KIAA1549L: variants seen among roughly 807,000 people sequenced by gnomAD.
The protein encoded by KIAA1549L is KIAA1549 like, also known as UPF0606 protein KIAA1549L.
In KIAA1549L, 88 loss-of-function variants were observed where a neutral mutation model predicts 160.7. The observed-to-expected ratio is 0.55, with a 90% CI of 0.46 to 0.65. KIAA1549L has a LOEUF of 0.65. KIAA1549L is among the 30% of genes least tolerant of loss of function. KIAA1549L has a pLI of 0.00. For synonymous variants in KIAA1549L, 950 were observed against 976.7 expected (o/e 0.97, Z 0.51); for missense variants, 2,258 against 2,437.5 (o/e 0.93, Z 1.55).
chr11:33,656,217 T>G, intron 18 of KIAA1549L, 108 bp downstream of exon 18: 2 of 783,040 alleles, frequency 2.6e-6, no homozygotes, highest in African/African-American at 1.7e-5. Context: ...CTCCACCCCA[T>G]CCAGGGTGTG....
At chr11:33,568,445 CACT>C (rs1855131244) in intron 9 of KIAA1549L, among the ~76,000 whole-genome samples, 1 of 152,102 alleles carries the variant, frequency 6.6e-6, no homozygotes, top group Non-Finnish European at 1.5e-5. Context: ...CCGACATTGT[CACT>C]AACTAGGTTA....
At chr11:33,619,188 G>T (rs149704790) in intron 16 of KIAA1549L, among the ~76,000 whole-genome samples, 2 of 152,214 alleles carry the variant, frequency 1.3e-5, no homozygotes, top group East Asian at 1.9e-4. Flanking sequence ...TTTTAATCCC[G>T]TCAGATTTCC....
intron 10 of KIAA1549L, among the ~76,000 whole-genome samples, chr11:33,576,914 G>A (rs1855468489): frequency 6.6e-6 from 1 of 152,176 alleles, no homozygotes; most frequent in South Asian, 2.1e-4. Context: ...GATCTCAGAA[G>A]ACATAAACTC....
intron 1 of KIAA1549L, among the ~76,000 whole-genome samples, chr11:33,530,465 ATATATATATATATATATATG>A: frequency 1.7e-5 from 1 of 59,008 alleles, no homozygotes; most frequent in African/African-American, 5.5e-5. Flanking sequence ...ATATATATAT[ATATATATATATATATATATG>A]CAAGATTTGC....
chr11:33,395,068 T>C (rs1271237268), intron 1 of KIAA1549L, among the ~76,000 whole-genome samples: 1 of 152,250 alleles, frequency 6.6e-6, no homozygotes, highest in East Asian at 1.9e-4. Context: ...CCAATTCATT[T>C]CTTTCATCTA....
chr11:33,392,685 A>G (rs1194574884), intron 1 of KIAA1549L, among the ~76,000 whole-genome samples: 1 of 152,156 alleles, frequency 6.6e-6, no homozygotes, highest in Non-Finnish European at 1.5e-5. Context: ...GTTTTTCACC[A>G]TAGTTTAGTT....
At position 33,476,133 on chromosome 11, in the gene KIAA1549L, T is replaced by C. The variant is rs567362708; in HGVS notation, c.239-65669T>C. Among the ~76,000 whole-genome samples the C allele has an allele frequency of 4.6e-5, 7 of 152,382 alleles. No homozygotes were observed. In the East Asian group the frequency reaches 1.3e-3, roughly 29 times the overall value. On this transcript the variant is annotated intron_variant, in intron 1 of 20. Transcript: ENST00000658780. ...CTTCTCAGGAAATCTATTACTGTGC[T>C]GAAATTGGCAAACTGCCAAGGCAGC...
chr11:33,415,284 CA>C (rs1850866227), intron 1 of KIAA1549L, among the ~76,000 whole-genome samples: 1 of 152,140 alleles, frequency 6.6e-6, no homozygotes, highest in South Asian at 2.1e-4. Context: ...CAGTGGATTG[CA>C]TAAGGTGCAA....
chr11:33,427,512 C>T (rs1183535862), intron 1 of KIAA1549L, among the ~76,000 whole-genome samples: 2 of 152,168 alleles, frequency 1.3e-5, no homozygotes, highest in East Asian at 3.8e-4. Context: ...CGCTGCTATA[C>T]TCCCTCCGTC....
At position 33,647,592 on chromosome 11, in the gene KIAA1549L, A is replaced by G. The variant is rs921437087; in HGVS notation, c.5760+1556A>G. On this transcript the variant is annotated intron_variant, in intron 17 of 20. Transcript: ENST00000658780. ...CATCACCATAGCATCTAAAATATAT[A>G]TTTTTAAAAAGACATAGTTTTATAA... Among the ~76,000 whole-genome samples, 23 of 152,150 alleles carry G rather than the reference A, an allele frequency of 1.5e-4. 1 individual carries two copies. The highest frequency in any genetic ancestry group is 3.2e-3 in the Middle Eastern group (1 of 316).
chr11:33,463,832 A>G (rs974388342), intron 1 of KIAA1549L, among the ~76,000 whole-genome samples: 24 of 152,230 alleles, frequency 1.6e-4, no homozygotes, highest in African/African-American at 5.8e-4. Flanking sequence ...GCCCATTATT[A>G]ACAATGAATT....
At chr11:33,634,575 G>T (rs781687283) in intron 16 of KIAA1549L, among the ~76,000 whole-genome samples, 10 of 152,216 alleles carry the variant, frequency 6.6e-5, no homozygotes, top group Non-Finnish European at 1.5e-4. Context: ...TCCTTAGAGA[G>T]CAACAAGTTA....
At chr11:33,402,454 T>C (rs892790518) in intron 1 of KIAA1549L, among the ~76,000 whole-genome samples, 1 of 152,198 alleles carries the variant, frequency 6.6e-6, no homozygotes, top group African/African-American at 2.4e-5. Context: ...CTTGTGGTCC[T>C]TCTCCCTCTG....
chr11:33,447,510 C>G (rs1851637253), intron 1 of KIAA1549L, among the ~76,000 whole-genome samples: 2 of 130,448 alleles, frequency 1.5e-5, no homozygotes, highest in South Asian at 5.6e-4. Context: ...ACCTACCTAC[C>G]CATCCATCCT....
chr11:33,515,904 G>A (rs954909245), intron 1 of KIAA1549L, among the ~76,000 whole-genome samples: 14 of 152,150 alleles, frequency 9.2e-5, no homozygotes, highest in African/African-American at 3.1e-4. Context: ...AGCATTATTG[G>A]TCCTAGCTTC....
Position 33,552,089 on chromosome 11 carries a change from T to C in KIAA1549L, c.3722-19T>C. On this transcript the variant is annotated intron_variant, in intron 5 of 20. Transcript: ENST00000658780. ...GACATGGAGCTTTAGTGAGCACTGA[T>C]TGACTTCTCTCATTCTAGTGCTGCA... The C allele has an allele frequency of 1.9e-6, 3 of 1,613,440 alleles. No individual in the cohort carries two copies. The highest frequency in any genetic ancestry group is 1.3e-5 in the African/African-American group (1 of 75,060).
intron 1 of KIAA1549L, among the ~76,000 whole-genome samples, chr11:33,493,188 G>T (rs1477889542): frequency 6.6e-6 from 1 of 151,966 alleles, no homozygotes; most frequent in African/African-American, 2.4e-5. Flanking sequence ...AGCATGCATT[G>T]GAAACTTAAT....
chr11:33,450,913 G>A (rs1851708651), intron 1 of KIAA1549L: 1 of 152,336 alleles, frequency 6.6e-6, no homozygotes, highest in South Asian at 2.1e-4. Flanking sequence ...GTGTAGCTGT[G>A]GCTTGCCCTG....
intron 1 of KIAA1549L, among the ~76,000 whole-genome samples, chr11:33,397,879 C>G (rs1850418288): frequency 7.0e-6 from 1 of 143,784 alleles, no homozygotes; most frequent in East Asian, 2.0e-4. Context: ...TTTTTTAAAT[C>G]AGGTTGGAAC....
Sources: allele counts gnomAD v4.1 joint callset (sites outside exome capture counted in the v4.1 genomes callset), GRCh38; gene constraint gnomAD v4.1.1; transcripts MANE v1.5; gene names NCBI Gene and HGNC (gene_info 2026-07-23, HGNC 2026-07-21).